ATL3: variants seen among roughly 807,000 people sequenced by gnomAD.
The protein encoded by ATL3 is atlastin GTPase 3.
In ATL3, 49 loss-of-function variants were observed where a neutral mutation model predicts 69.5. The ratio of observed to expected loss-of-function variants is 0.71; its 90% CI spans 0.56 to 0.89. The LOEUF is 0.89. Ranked by LOEUF, ATL3 falls within the 40% of genes least tolerant of loss-of-function variation. The pLI is 0.00. For missense variants in ATL3, 606 were observed against 645.7 expected, an observed-to-expected ratio of 0.94 and a Z score of 0.67; for synonymous variants, 214 against 224.1, an observed-to-expected ratio of 0.95 and a Z score of 0.40.
intron 8 of ATL3, among the ~76,000 whole-genome samples, chr11:63,639,361 G>C (rs774781449): frequency 2.3e-4 from 35 of 152,186 alleles, no homozygotes; most frequent in Admixed American, 7.9e-4. Flanking sequence ...CATAATAATT[G>C]TAGTTCCTTA....
At position 63,631,328 on chromosome 11, in the gene ATL3, C is replaced by T. The variant is rs745712670; in HGVS notation, c.1251G>A (p.Leu417=). The T allele has an allele frequency of 6.2e-6, 10 of 1,614,100 alleles. No homozygotes were observed. In the Admixed American group the frequency reaches 1.5e-4, roughly 24 times the overall value. Residue 417 remains leucine (L), a synonymous_variant, in exon 12 of 13, where the codon CTG becomes CTA. Transcript: ENST00000398868. ...KDFSFRYQQE[L]EEEIKELYEN... ...CATATAATTCCTTGATTTCCTCCTCCAGCTCCTGCTGGTAACGAAAGCTGA... is the reference window on the plus strand; with the variant it reads ...CATATAATTCCTTGATTTCCTCCTCTAGCTCCTGCTGGTAACGAAAGCTGA...
At chr11:63,668,589 T>G (rs1340252035) in intron 1 of ATL3, among the ~76,000 whole-genome samples, 4 of 152,200 alleles carry the variant, frequency 2.6e-5, no homozygotes, top group African/African-American at 7.2e-5. Context: ...GTGTAATGCT[T>G]CATAGGTTTA....
rs913778478 is a variant in ATL3 at position 63,624,926 on chromosome 11, GTC to G, written c.*4391_*4392del. On this transcript the variant is annotated 3_prime_UTR_variant, in exon 13 of 13. Coordinates refer to ENST00000398868, the MANE Select transcript of ATL3 (RefSeq NM_015459.5). ...TTGGTACTTCCCATTCGATGAAGCA[GTC>G]TCTCTCTGTGGTCTCTGAACCACTA... is the stretch of plus-strand genomic sequence containing the variant. 5 of 152,218 alleles carry G rather than the reference GTC, an allele frequency of 3.3e-5. No individual in the cohort carries two copies. The highest frequency in any genetic ancestry group is 6.5e-5 in the Admixed American group (1 of 15,276). 9.4% of individuals were successfully genotyped at this position (152,218 alleles called of 1,614,324 possible).
chr11:63,669,771 AC>A (rs1216846185), intron 1 of ATL3, among the ~76,000 whole-genome samples: 1 of 151,834 alleles, frequency 6.6e-6, no homozygotes, highest in East Asian at 1.9e-4. Flanking sequence ...ACGTGGTGAA[AC>A]CCCGTTTCTA....
chr11:63,627,967 G>C lies in ATL3; in HGVS notation c.*1352C>G, dbSNP rs1418648865. 1.3e-5 allele frequency: 2 copies of C among 152,178 alleles called. No individual in the cohort carries two copies. Among genetic ancestry groups the C allele is most frequent in the Non-Finnish European group, 2.9e-5 (2 of 68,026 alleles). The allele number at this position is 152,178 out of a possible 1,614,324, so 9.4% of individuals were successfully genotyped here. A position where few individuals can be genotyped will look rare whatever the true frequency, so the allele number is the denominator to read the frequency against. On this transcript the variant is annotated 3_prime_UTR_variant, in exon 13 of 13. Coordinates refer to ENST00000398868, the MANE Select transcript of ATL3 (RefSeq NM_015459.5). ...AATGCAAATTAACATTCTGAATAAA[G>C]ACCTTAAATCAGGTTATTAATTGCT...
chr11:63,657,759 A>G (rs1393477435), intron 3 of ATL3, among the ~76,000 whole-genome samples: 2 of 152,024 alleles, frequency 1.3e-5, no homozygotes, highest in African/African-American at 4.8e-5. Context: ...CCTTTTATTG[A>G]AAAAAAATTT....
Position 63,658,743 on chromosome 11 carries a change from G to A in ATL3, c.405+18C>T. The A allele has an allele frequency of 6.3e-7, 1 of 1,588,590 alleles. No homozygotes were observed. The highest frequency in any genetic ancestry group is 8.5e-7 in the Non-Finnish European group (1 of 1,171,784). ...TGTTGTTGTTGTTGTTAATCTGTAA[G>A]GTCATTTTCATCCTTACCTTCTTCC... is the stretch of plus-strand genomic sequence containing the variant. On this transcript the variant is annotated intron_variant, in intron 3 of 12. Coordinates refer to ENST00000398868, the MANE Select transcript of ATL3 (RefSeq NM_015459.5).
chr11:63,652,870 G>A (rs576582077), intron 3 of ATL3, among the ~76,000 whole-genome samples: 6 of 152,280 alleles, frequency 3.9e-5, no homozygotes, highest in African/African-American at 1.4e-4. Context: ...GCATTTGGAT[G>A]TTTCCTGTTG....
chr11:63,643,856 T>C (rs1939779296), intron 7 of ATL3, among the ~76,000 whole-genome samples: 2 of 678 alleles, frequency 2.9e-3, no homozygotes, highest in Non-Finnish European at 5.7e-3. Context: ...AGTAAAAATT[T>C]TGAAGAATAA....
chr11:63,629,042 C>A lies in ATL3; in HGVS notation c.*277G>T. On this transcript the variant is annotated 3_prime_UTR_variant, in exon 13 of 13. Transcript: ENST00000398868. ...GCATTTCCATTTTTCCTCTAGCTTCCTCCTCCATAAAGTGCACAAAGCAGA... is the reference window on the plus strand; with the variant it reads ...GCATTTCCATTTTTCCTCTAGCTTCATCCTCCATAAAGTGCACAAAGCAGA... The A allele has an allele frequency of 2.8e-6, 1 of 359,214 alleles. No individual in the cohort carries two copies. The highest frequency in any genetic ancestry group is 4.3e-5 in the East Asian group (1 of 23,238). The allele number at this position is 359,214 out of a possible 1,614,324, so 22.3% of individuals were successfully genotyped here. A position where few individuals can be genotyped will look rare whatever the true frequency, so the allele number is the denominator to read the frequency against.
chr11:63,630,801 A>C (rs1251534414), intron 12 of ATL3, among the ~76,000 whole-genome samples: 6 of 522 alleles, frequency 0.011, no homozygotes, highest in Non-Finnish European at 0.053. Flanking sequence ...ACTTTGTCTC[A>C]AAAAAAAAAA....
chr11:63,650,007 C>T (rs1940021318), intron 5 of ATL3, among the ~76,000 whole-genome samples: 1 of 151,902 alleles, frequency 6.6e-6, no homozygotes, highest in Non-Finnish European at 1.5e-5. Flanking sequence ...ATAATATGTA[C>T]TAAGTCAATT....
At position 63,655,559 on chromosome 11, in the gene ATL3, C is replaced by A. The variant is rs544416874; in HGVS notation, c.406-2984G>T. Reference sequence around the variant, plus strand: ...ACCTCCCGGGTTCCAGCGATTCTCCCACCTCAGCCTCCCAAGTAGCTGGGA... The same window carrying A: ...ACCTCCCGGGTTCCAGCGATTCTCCAACCTCAGCCTCCCAAGTAGCTGGGA... On this transcript the variant is annotated intron_variant, in intron 3 of 12. Transcript: ENST00000398868. 1.1e-4 allele frequency among the ~76,000 whole-genome samples: 16 copies of A among 151,480 alleles called. 1 individual carries two copies. In the South Asian group the frequency reaches 3.3e-3, roughly 32 times the overall value.
intron 1 of ATL3, among the ~76,000 whole-genome samples, chr11:63,666,078 T>G (rs1940565177): frequency 6.6e-6 from 1 of 152,114 alleles, no homozygotes; most frequent in South Asian, 2.1e-4. Context: ...CCTACCGGGC[T>G]CAGGCAATCC....
chr11:63,653,046 G>C (rs113584467), intron 3 of ATL3, among the ~76,000 whole-genome samples: 2 of 152,088 alleles, frequency 1.3e-5, no homozygotes, highest in Admixed American at 6.5e-5. Context: ...AAAAAATTAG[G>C]TCAGGCGCAA....
chr11:63,656,530 G>A (rs1222019459), intron 3 of ATL3, among the ~76,000 whole-genome samples: 2 of 151,280 alleles, frequency 1.3e-5, no homozygotes, highest in African/African-American at 4.9e-5. Context: ...GGTCAGGAGT[G>A]CAAGACCAGC....
rs1939348259 is a variant in ATL3, at chr11:63,632,322, CAT to C, written c.1107+702_1107+703del. 5 of 806,096 alleles carry C rather than the reference CAT, an allele frequency of 6.2e-6. No individual in the cohort carries two copies. The South Asian group carries it at 6.6e-5, about 11-fold the overall frequency. The allele number at this position is 806,096 out of a possible 1,614,324, so 49.9% of individuals were successfully genotyped here. A position where few individuals can be genotyped will look rare whatever the true frequency, so the allele number is the denominator to read the frequency against. On this transcript the variant is annotated intron_variant, in intron 11 of 12. Coordinates refer to ENST00000398868, the MANE Select transcript of ATL3 (RefSeq NM_015459.5). ...CTTCTGAATACGTTGGTGGTGTTGTCATGTGTTCTGGACCATCAATGGAGCCT... is the reference window on the plus strand; with the variant it reads ...CTTCTGAATACGTTGGTGGTGTTGTCGTGTTCTGGACCATCAATGGAGCCT...
chr11:63,642,964 G>C (rs1366296607), intron 8 of ATL3, among the ~76,000 whole-genome samples: 4 of 152,178 alleles, frequency 2.6e-5, no homozygotes, highest in Non-Finnish European at 4.4e-5. Flanking sequence ...CCAGCGTCAG[G>C]TTTTGCTATA....
At chr11:63,636,517 T>C (rs1303119311) in intron 8 of ATL3, among the ~76,000 whole-genome samples, 183 bp from the exon 9 acceptor site, 1 of 152,052 alleles carries the variant, frequency 6.6e-6, no homozygotes, top group Non-Finnish European at 1.5e-5. Context: ...GGCAGGTGGA[T>C]TGCCTAAGGT....
Sources: allele counts gnomAD v4.1 joint callset (sites outside exome capture counted in the v4.1 genomes callset), GRCh38; gene constraint gnomAD v4.1.1; transcripts MANE v1.5; gene names NCBI Gene and HGNC (gene_info 2026-07-23, HGNC 2026-07-21).